The following CLEC17A variants were observed in gnomAD, a reference collection of about 807,000 sequenced individuals.
CLEC17A encodes the protein C-type lectin domain family 17, member A.
Under a neutral mutation model 61.3 loss-of-function variants are expected in CLEC17A, and 37 were observed. The ratio of observed to expected loss-of-function variants is 0.60; its 90% CI spans 0.46 to 0.79. The LOEUF (loss-of-function observed/expected upper bound fraction) is 0.79. Among genes scored for constraint, CLEC17A ranks in the 30% least tolerant of loss-of-function variants. The pLI is 0.00. For synonymous variants in CLEC17A, 168 were observed against 164.9 expected, an observed-to-expected ratio of 1.02 and a Z score of -0.14; for missense variants, 418 against 464.7, an observed-to-expected ratio of 0.90 and a Z score of 0.92.
chr19:14,583,198 C>T lies in CLEC17A; in HGVS notation c.38C>T (p.Pro13Leu), dbSNP rs1463264110. The T allele has an allele frequency of 1.2e-6, 2 of 1,613,822 alleles. No homozygotes were observed. The highest frequency in any genetic ancestry group is 2.7e-5 in the African/African-American group (2 of 74,914). Reference sequence around the variant, plus strand: ...TATTCCATCACTGGGTACCCGGACCCACCAGGTAAGGCCCCGGCCAGGCTG... The same window carrying T: ...TATTCCATCACTGGGTACCCGGACCTACCAGGTAAGGCCCCGGCCAGGCTG... Reference protein sequence around the residue: ...NLYSITGYPDPPGTMEEEEED... With the variant: ...NLYSITGYPDLPGTMEEEEED... Residue 13 changes from proline (P) to leucine (L), a missense_variant, in exon 1 of 14, where the codon CCA becomes CTA. By Grantham distance (98) the Pro-to-Leu change is moderately conservative. Transcript: ENST00000417570.
At chr19:14,596,519 A>C (rs566201311) in intron 8 of CLEC17A, among the ~76,000 whole-genome samples, 374 of 152,268 alleles carry the variant, frequency 2.5e-3, no homozygotes, top group Non-Finnish European at 4.0e-3. Flanking sequence ...CTATAGACCC[A>C]GCTACTTGAA....
Position 14,607,085 on chromosome 19 carries a change from G to A in CLEC17A, c.987G>A (p.Gly329=). The A allele has an allele frequency of 7.6e-7, 1 of 1,315,692 alleles. No individual in the cohort carries two copies. The highest frequency in any genetic ancestry group is 1.5e-5 in the African/African-American group (1 of 66,496). The allele number at this position is 1,315,692 out of a possible 1,614,324, so 81.5% of individuals were successfully genotyped here. A position where few individuals can be genotyped will look rare whatever the true frequency, so the allele number is the denominator to read the frequency against. Residue 329 remains glycine (G), a synonymous_variant, in exon 13 of 14, where the codon GGG becomes GGA. Transcript: ENST00000417570. ...AQEGDWRWLD[G]SPVTLSFWEP... The stretch of plus-strand genomic sequence containing the variant: ...AAGGGGACTGGAGGTGGCTGGATGG[G>A]TCTCCTGTGACATTAAGGCAAGTGC...
Position 14,594,660 on chromosome 19 carries a change from T to C in CLEC17A, c.339T>C (p.Pro113=), listed in dbSNP as rs1389907362. Residue 113 remains proline, a synonymous_variant, in exon 6 of 14, where the codon CCT becomes CCC. Coordinates refer to ENST00000417570, the MANE Select transcript of CLEC17A (RefSeq NM_001204118.2). ...AGGAAACAGAGAAACCCCCACTTCC[T>C]TGCAAGCCCCGGAACATGACAGGTG... ...AAKETEKPPL[P]CKPRNMTGLD... is the part of the protein sequence containing the mutation. 6.2e-7 allele frequency: 1 copy of C among 1,613,880 alleles called. No homozygotes were observed. The highest frequency in any genetic ancestry group is 2.2e-5 in the East Asian group (1 of 44,872).
At chr19:14,585,750 A>G (rs2074266429) in intron 2 of CLEC17A, among the ~76,000 whole-genome samples, 1 of 147,106 alleles carries the variant, frequency 6.8e-6, no homozygotes, top group Non-Finnish European at 1.5e-5. Flanking sequence ...CCCAGGCAAC[A>G]TCTTGACTAC....
At chr19:14,602,512 T>C (rs2074746219) in intron 12 of CLEC17A, among the ~76,000 whole-genome samples, 1 of 152,080 alleles carries the variant, frequency 6.6e-6, no homozygotes, top group Non-Finnish European at 1.5e-5. Context: ...CAGGCTGGTC[T>C]GGAACTCCTG....
rs1290320459 is a variant in CLEC17A at position 14,594,884 on chromosome 19, T to C, written c.403+84T>C. 34 of 1,292,128 alleles carry C rather than the reference T, an allele frequency of 2.6e-5. 1 individual carries two copies. The South Asian group carries it at 4.3e-4, about 16-fold the overall frequency. 80.0% of individuals were successfully genotyped at this position (1,292,128 alleles called of 1,614,324 possible). On this transcript the variant is annotated intron_variant, in intron 7 of 13. Coordinates refer to ENST00000417570, the MANE Select transcript of CLEC17A (RefSeq NM_001204118.2). ...CAATCCCCCAATTTTTATTTATTTATTTTTTTTGAGACAGAGTCTCACTGT... is the reference window on the plus strand; with the variant it reads ...CAATCCCCCAATTTTTATTTATTTACTTTTTTTGAGACAGAGTCTCACTGT...
intron 9 of CLEC17A, 37 bp downstream of exon 9, chr19:14,597,050 G>T: frequency 6.2e-7 from 1 of 1,611,588 alleles, no homozygotes; most frequent in East Asian, 2.2e-5. Context: ...GGAGAGATTG[G>T]GGAGGGTGCA....
intron 8 of CLEC17A, 21 bp from the exon 9 acceptor site, chr19:14,596,855 G>T: frequency 6.2e-7 from 1 of 1,606,236 alleles, no homozygotes; most frequent in African/African-American, 1.3e-5. Flanking sequence ...CAGTCTCTCT[G>T]TTCCCATCCC....
At chr19:14,587,807 G>T in intron 3 of CLEC17A, 116 bp downstream of exon 3, 4 of 1,536,490 alleles carry the variant, frequency 2.6e-6, no homozygotes, top group Non-Finnish European at 2.6e-6. Context: ...GCCCATGCCG[G>T]GCACTGTGGA....
At chr19:14,601,040 T>A (rs112059022) in intron 12 of CLEC17A, among the ~76,000 whole-genome samples, 28,601 of 151,436 alleles carry the variant, frequency 0.19, 2,988 homozygotes, top group Non-Finnish European at 0.22. Context: ...GTAGCTGGGA[T>A]TGCAGGCATG....
At chr19:14,602,468 A>G (rs2074744986) in intron 12 of CLEC17A, among the ~76,000 whole-genome samples, 2 of 151,534 alleles carry the variant, frequency 1.3e-5, no homozygotes, top group Non-Finnish European at 1.5e-5. Context: ...AATTTTTAAC[A>G]TTTTTTGTAG....
intron 2 of CLEC17A, among the ~76,000 whole-genome samples, 200 bp downstream of exon 2, chr19:14,583,634 G>GT (rs2074219215): frequency 6.6e-6 from 1 of 152,056 alleles, no homozygotes. Flanking sequence ...GGTGAGCAGG[G>GT]TGAGAGAGGA....
In CLEC17A at chr19:14,592,361, A is replaced by C; in HGVS notation, c.277+3A>C. On this transcript the variant is annotated splice_donor_region_variant and intron_variant, in intron 4 of 13. Coordinates refer to ENST00000417570, the MANE Select transcript of CLEC17A (RefSeq NM_001204118.2). The stretch of plus-strand genomic sequence containing the variant: ...CAAGGACCTTCCTCCCAAGCCAGGT[A>C]AGAGGACTTTTTGGAGTGTGACCTG... The C allele has an allele frequency of 6.2e-7, 1 of 1,609,922 alleles. No homozygotes were observed. Among genetic ancestry groups the C allele is most frequent in the East Asian group, 2.2e-5 (1 of 44,786 alleles).
At chr19:14,596,744 G>T in intron 8 of CLEC17A, 132 bp from the exon 9 acceptor site, 1 of 1,072,220 alleles carries the variant, frequency 9.3e-7, no homozygotes, top group South Asian at 1.7e-5. Flanking sequence ...ACCCTCTCTT[G>T]CTGACTTCAT....
At position 14,587,233 on chromosome 19, in the gene CLEC17A, A is replaced by ATGTG. The variant is rs3049160; in HGVS notation, c.122-355_122-352dup. Among the ~76,000 whole-genome samples the ATGTG allele has an allele frequency of 3.6e-3, 528 of 145,398 alleles. 2 individuals are homozygous for ATGTG. The highest frequency in any genetic ancestry group is 5.4e-3 in the Non-Finnish European group (360 of 66,672). The stretch of plus-strand genomic sequence containing the variant: ...GTGTGAGTCCAAACTCCAGAGAAAG[A>ATGTG]TGTGTGTGTGTGTGTGTGTGTGTGT... On this transcript the variant is annotated intron_variant, in intron 2 of 13. Coordinates refer to ENST00000417570, the MANE Select transcript of CLEC17A (RefSeq NM_001204118.2).
At chr19:14,593,039 G>C (rs1352051257) in intron 4 of CLEC17A, among the ~76,000 whole-genome samples, 1 of 152,062 alleles carries the variant, frequency 6.6e-6, no homozygotes, top group Non-Finnish European at 1.5e-5. Context: ...ATAAAAGCTG[G>C]TGCTTGAGAA....
At chr19:14,606,950 T>G in intron 12 of CLEC17A, 43 bp from the exon 13 acceptor site, 1 of 1,077,248 alleles carries the variant, frequency 9.3e-7, no homozygotes, top group Non-Finnish European at 1.2e-6. Flanking sequence ...ACCCTGAGGG[T>G]CATGTAGAGG....
chr19:14,600,414 T>C (rs756051036), intron 12 of CLEC17A, among the ~76,000 whole-genome samples: 7 of 152,206 alleles, frequency 4.6e-5, no homozygotes, highest in African/African-American at 7.2e-5. Flanking sequence ...ACATTTCAAG[T>C]ATCGGTTTTA....
intron 12 of CLEC17A, 83 bp downstream of exon 12, chr19:14,600,265 G>T: frequency 2.0e-6 from 3 of 1,499,280 alleles, no homozygotes; most frequent in Non-Finnish European, 1.8e-6. Flanking sequence ...TCCCTTCCCT[G>T]GATGGCAAGA....
Sources: allele counts gnomAD v4.1 joint callset (sites outside exome capture counted in the v4.1 genomes callset), GRCh38; gene constraint gnomAD v4.1.1; transcripts MANE v1.5; gene names NCBI Gene and HGNC (gene_info 2026-07-23, HGNC 2026-07-21).